The following EYS variants were observed in gnomAD, a reference collection of about 807,000 sequenced individuals.
The protein encoded by EYS is protein eyes shut homolog.
In EYS, 250 loss-of-function variants were observed where a neutral mutation model predicts 282.1. That is an observed-to-expected ratio of 0.89 (90% CI 0.80 to 0.98). The LOEUF is 0.98. EYS is among the 50% of genes least tolerant of loss of function. The pLI is 0.00. For missense variants in EYS, 4,016 were observed against 3,709.0 expected, an observed-to-expected ratio of 1.08 and a Z score of -2.15; for synonymous variants, 1,355 against 1,282.9, an observed-to-expected ratio of 1.06 and a Z score of -1.20.
rs183785283 is a variant in EYS at position 65,252,353 on chromosome 6, G to A, written c.2023+43510C>T. 9.9e-5 allele frequency among the ~76,000 whole-genome samples: 15 copies of A among 152,062 alleles called. No individual in the cohort carries two copies. The East Asian group carries it at 2.9e-3, about 30-fold the overall frequency. ...CCAACCACATCACAGATTGACCATT[G>A]ATGGCAAACACTTAGGATAAATACA... On this transcript the variant is annotated intron_variant, in intron 12 of 42. Coordinates refer to ENST00000503581, the MANE Select transcript of EYS (RefSeq NM_001142800.2).
chr6:64,747,321 A>G (rs1772590758), intron 22 of EYS, among the ~76,000 whole-genome samples: 1 of 152,016 alleles, frequency 6.6e-6, no homozygotes, highest in South Asian at 2.1e-4. Context: ...CTTTCTGGTA[A>G]CCCTTATGTT....
intron 8 of EYS, among the ~76,000 whole-genome samples, chr6:65,368,476 T>A (rs1296575902): frequency 2.6e-5 from 4 of 151,652 alleles, no homozygotes; most frequent in Non-Finnish European, 5.9e-5. Context: ...CAGATAATAC[T>A]ATTTAAGGTT....
chr6:65,256,427 T>TC (rs1767468315), intron 12 of EYS, among the ~76,000 whole-genome samples: 1 of 80,350 alleles, frequency 1.2e-5, no homozygotes, highest in Admixed American at 1.4e-4. Context: ...GCCTCCCCCC[T>TC]CCCCACCACA....
intron 28 of EYS, among the ~76,000 whole-genome samples, chr6:64,416,467 T>C (rs750325801): frequency 4.6e-5 from 7 of 151,800 alleles, no homozygotes; most frequent in Admixed American, 3.3e-4. Flanking sequence ...TTTTAGTGTA[T>C]GTGAATGCAT....
chr6:64,905,643 T>C (rs1462024543), intron 16 of EYS, among the ~76,000 whole-genome samples: 1 of 152,224 alleles, frequency 6.6e-6, no homozygotes, highest in African/African-American at 2.4e-5. Flanking sequence ...TGCATCAGTC[T>C]GGATTGTAGG....
intron 2 of EYS, among the ~76,000 whole-genome samples, chr6:65,584,861 T>A (rs1764989328): frequency 6.6e-6 from 1 of 150,516 alleles, no homozygotes; most frequent in African/African-American, 2.4e-5. Context: ...CTTATAAACC[T>A]ATTAAGAAGT....
chr6:64,272,851 A>C (rs1266801027), intron 30 of EYS, among the ~76,000 whole-genome samples: 1 of 152,060 alleles, frequency 6.6e-6, no homozygotes, highest in Non-Finnish European at 1.5e-5. Context: ...GTATTTTTAT[A>C]CTCATTTATA....
intron 12 of EYS, among the ~76,000 whole-genome samples, chr6:65,292,600 T>C (rs1768556821): frequency 6.6e-6 from 1 of 151,728 alleles, no homozygotes; most frequent in African/African-American, 2.4e-5. Context: ...CCCCTTTAGG[T>C]ACTTGTAGAC....
chr6:64,682,643 A>G (rs1769940782), intron 22 of EYS, among the ~76,000 whole-genome samples: 1 of 152,160 alleles, frequency 6.6e-6, no homozygotes, highest in Admixed American at 6.5e-5. Context: ...AAGGGTAAGG[A>G]GTACTTTGCA....
At chr6:65,644,399 C>T (rs1291186924) in intron 1 of EYS, among the ~76,000 whole-genome samples, 2 of 152,124 alleles carry the variant, frequency 1.3e-5, no homozygotes, top group African/African-American at 4.8e-5. Flanking sequence ...ACAAAGCCTA[C>T]AAAAAGTTTG....
intron 29 of EYS, among the ~76,000 whole-genome samples, chr6:64,358,104 T>C (rs756076156): frequency 2.1e-4 from 32 of 151,762 alleles, no homozygotes; most frequent in Admixed American, 5.9e-4. Flanking sequence ...GAATATCCTG[T>C]CTGTACTGAA....
intron 33 of EYS, among the ~76,000 whole-genome samples, chr6:64,004,569 T>C (rs1768252017): frequency 6.6e-6 from 1 of 152,138 alleles, no homozygotes; most frequent in Non-Finnish European, 1.5e-5. Flanking sequence ...GTAGTAAGCA[T>C]AGTACTGTTA....
intron 36 of EYS, among the ~76,000 whole-genome samples, chr6:63,852,288 G>A (rs535884065): frequency 5.4e-4 from 81 of 150,374 alleles, no homozygotes; most frequent in African/African-American, 1.9e-3. Context: ...TAAAAAATGA[G>A]AAAGGGGAGA....
At chr6:64,992,900 C>G (rs1771115806) in intron 14 of EYS, among the ~76,000 whole-genome samples, 1 of 152,000 alleles carries the variant, frequency 6.6e-6, no homozygotes, top group African/African-American at 2.4e-5. Flanking sequence ...GTGGTTCCAA[C>G]TTGGTATACT....
intron 11 of EYS, among the ~76,000 whole-genome samples, chr6:65,298,204 C>A (rs188930989): frequency 2.6e-5 from 4 of 151,952 alleles, no homozygotes; most frequent in Admixed American, 6.6e-5. Flanking sequence ...GGGAAGCTTA[C>A]GGCATTGAGA....
intron 12 of EYS, among the ~76,000 whole-genome samples, chr6:65,249,425 C>A (rs1411504477): frequency 6.6e-6 from 1 of 151,948 alleles, no homozygotes; most frequent in East Asian, 1.9e-4. Flanking sequence ...TCAGGTCATG[C>A]AACTCCCAGT....
At chr6:64,630,489 T>C (rs1767743419) in intron 22 of EYS, among the ~76,000 whole-genome samples, 1 of 152,194 alleles carries the variant, frequency 6.6e-6, no homozygotes, top group African/African-American at 2.4e-5. Context: ...ATGGTTTTAC[T>C]TATTCATCTG....
chr6:64,723,413 G>A (rs1257347150), intron 22 of EYS, among the ~76,000 whole-genome samples: 1 of 152,108 alleles, frequency 6.6e-6, no homozygotes, highest in Admixed American at 6.6e-5. Context: ...ACTAAAAACG[G>A]CACTGCAGGA....
intron 30 of EYS, among the ~76,000 whole-genome samples, chr6:64,233,846 A>T (rs1015589089): frequency 2.6e-5 from 4 of 152,208 alleles, no homozygotes; most frequent in African/African-American, 9.7e-5. Context: ...TAGTTGGAAC[A>T]GGAAAGGAAC....
Sources: gnomAD v4.1 joint callset for allele counts (sites outside exome capture counted in the v4.1 genomes callset) on GRCh38, gnomAD v4.1.1 for gene constraint, MANE v1.5 for transcripts, NCBI Gene and HGNC (gene_info 2026-07-23, HGNC 2026-07-21) for gene names.